Variants in HECW2 observed in about 807,000 individuals in gnomAD.
HECW2 encodes E3 ubiquitin-protein ligase HECW2.
In HECW2, 61 loss-of-function variants were observed where a neutral mutation model predicts 175.2. The ratio of observed to expected loss-of-function variants is 0.35; its 90% CI spans 0.28 to 0.43. The LOEUF is 0.43. Ranked by LOEUF, HECW2 falls within the 20% of genes least tolerant of loss-of-function variation. The probability of loss-of-function intolerance (pLI) is 1.00; values close to 1 mark genes in which losing one functional copy is unlikely to be tolerated. For missense variants in HECW2, 1,524 were observed against 2,000.5 expected, an observed-to-expected ratio of 0.76 and a Z score of 4.54; for synonymous variants, 671 against 731.0, an observed-to-expected ratio of 0.92 and a Z score of 1.32.
chr2:196,345,585 G>C (rs779177119), intron 2 of HECW2, among the ~76,000 whole-genome samples: 9 of 152,194 alleles, frequency 5.9e-5, no homozygotes, highest in African/African-American at 9.6e-5. Context: ...GACGCAATCA[G>C]GATGATCCAT....
At chr2:196,395,014 A>T (rs1364212654) in intron 2 of HECW2, among the ~76,000 whole-genome samples, 1 of 152,202 alleles carries the variant, frequency 6.6e-6, no homozygotes, top group Non-Finnish European at 1.5e-5. Flanking sequence ...AGAAGGGGCC[A>T]GATAGCTCTT....
intron 2 of HECW2, among the ~76,000 whole-genome samples, chr2:196,426,110 T>A (rs1394169112): frequency 1.3e-5 from 2 of 152,158 alleles, no homozygotes; most frequent in Non-Finnish European, 2.9e-5. Context: ...TCATTAACAT[T>A]TTTTTATGAT....
intron 2 of HECW2, among the ~76,000 whole-genome samples, chr2:196,365,709 G>T (rs915376024): frequency 3.3e-5 from 5 of 152,110 alleles, no homozygotes; most frequent in Non-Finnish European, 7.4e-5. Context: ...TACAAAATAC[G>T]TGTATTTTTA....
intron 28 of HECW2, among the ~76,000 whole-genome samples, chr2:196,203,475 T>C (rs1686945859): frequency 6.6e-6 from 1 of 152,158 alleles, no homozygotes; most frequent in Non-Finnish European, 1.5e-5. Flanking sequence ...AAAAGTAGAA[T>C]ACGTTTTGAA....
chr2:196,402,346 G>T (rs1274707256), intron 2 of HECW2, among the ~76,000 whole-genome samples: 3 of 152,024 alleles, frequency 2.0e-5, no homozygotes, highest in Non-Finnish European at 4.4e-5. Flanking sequence ...TTTCATTTCT[G>T]GGGGGATGGC....
At chr2:196,578,532 A>G (rs1195591895) in intron 1 of HECW2, among the ~76,000 whole-genome samples, 1 of 152,218 alleles carries the variant, frequency 6.6e-6, no homozygotes, top group Non-Finnish European at 1.5e-5. Context: ...TCCAAACAGG[A>G]TAAACTAAAA....
chr2:196,552,337 C>T (rs552150351), intron 1 of HECW2, among the ~76,000 whole-genome samples: 19 of 152,302 alleles, frequency 1.2e-4, no homozygotes, highest in Admixed American at 5.9e-4. Context: ...AGGCCCTTGG[C>T]TGCCTGGAAA....
intron 1 of HECW2, among the ~76,000 whole-genome samples, chr2:196,477,891 A>C (rs1017990592): frequency 2.6e-5 from 4 of 152,156 alleles, no homozygotes; most frequent in African/African-American, 9.7e-5. Context: ...GTCTCTACTG[A>C]AAATACAAAA....
chr2:196,340,922 C>T (rs910873816), intron 3 of HECW2, among the ~76,000 whole-genome samples: 7 of 112,956 alleles, frequency 6.2e-5, no homozygotes, highest in African/African-American at 1.5e-4. Context: ...TGCTAAAATA[C>T]GGAGAAAAGA....
chr2:196,569,254 C>T lies in HECW2; in HGVS notation c.-36+24254G>A, dbSNP rs1690290768. ...CTACTCAGGAGGCTGAGGCAGGAGGCTCACTTGAGCCCAGGAGTTCAAGGT... is the reference window on the plus strand; with the variant it reads ...CTACTCAGGAGGCTGAGGCAGGAGGTTCACTTGAGCCCAGGAGTTCAAGGT... On this transcript the variant is annotated intron_variant, in intron 1 of 28. Coordinates refer to ENST00000644978, the MANE Select transcript of HECW2 (RefSeq NM_001348768.2). Among the ~76,000 whole-genome samples, 3 of 152,040 alleles carry T rather than the reference C, an allele frequency of 2.0e-5. No homozygotes were observed. The South Asian group carries it at 6.2e-4, about 32-fold the overall frequency.
intron 1 of HECW2, among the ~76,000 whole-genome samples, chr2:196,583,067 A>C (rs949135975): frequency 1.3e-5 from 2 of 152,188 alleles, no homozygotes; most frequent in African/African-American, 4.8e-5. Context: ...GGGAGTTAGA[A>C]GTTGTGTCCA....
intron 2 of HECW2, among the ~76,000 whole-genome samples, chr2:196,374,816 C>T (rs1359306610): frequency 1.3e-5 from 2 of 148,522 alleles, no homozygotes; most frequent in Non-Finnish European, 3.0e-5. Context: ...ACGTGGGATA[C>T]ATCCAGTAAG....
chr2:196,273,901 G>T, intron 16 of HECW2, 120 bp downstream of exon 16: 1 of 652,732 alleles, frequency 1.5e-6, no homozygotes, highest in Non-Finnish European at 2.7e-6. Flanking sequence ...GGATAATGCA[G>T]CAATTTCTCA....
intron 1 of HECW2, among the ~76,000 whole-genome samples, chr2:196,440,580 TACTC>T (rs1203511360): frequency 6.6e-6 from 1 of 152,190 alleles, no homozygotes; most frequent in African/African-American, 2.4e-5. Flanking sequence ...AAACCAGTGT[TACTC>T]AATAACAGAG....
chr2:196,222,930 TC>T (rs1433347992), intron 23 of HECW2, among the ~76,000 whole-genome samples: 4 of 152,202 alleles, frequency 2.6e-5, no homozygotes, highest in South Asian at 2.1e-4. Context: ...TCTGTATTTT[TC>T]CCCCACTTTT....
intron 17 of HECW2, among the ~76,000 whole-genome samples, chr2:196,258,701 C>T (rs1273166546): frequency 6.6e-6 from 1 of 152,036 alleles, no homozygotes; most frequent in African/African-American, 2.4e-5. Flanking sequence ...CCCTTATTTA[C>T]ATCATGCTAT....
intron 1 of HECW2, among the ~76,000 whole-genome samples, chr2:196,542,919 T>C (rs1033173331): frequency 3.4e-5 from 5 of 148,366 alleles, no homozygotes; most frequent in African/African-American, 1.2e-4. Flanking sequence ...TATAGATCTA[T>C]AGATATAGAT....
intron 1 of HECW2, among the ~76,000 whole-genome samples, chr2:196,490,344 C>T (rs1397832331): frequency 1.3e-5 from 2 of 152,166 alleles, no homozygotes; most frequent in African/African-American, 2.4e-5. Context: ...CTCGTGAAAT[C>T]AGCCACACTA....
intron 19 of HECW2, among the ~76,000 whole-genome samples, chr2:196,249,092 A>T (rs1394225086): frequency 2.0e-5 from 3 of 152,194 alleles, no homozygotes; most frequent in Non-Finnish European, 4.4e-5. Flanking sequence ...GGGTCAAACA[A>T]ATTCTCATAC....
Sources: allele counts gnomAD v4.1 joint callset (sites outside exome capture counted in the v4.1 genomes callset), GRCh38; gene constraint gnomAD v4.1.1; transcripts MANE v1.5; gene names NCBI Gene and HGNC (gene_info 2026-07-23, HGNC 2026-07-21).